Variants in AP1G1 observed in about 807,000 individuals in gnomAD.
AP1G1 encodes adaptor related protein complex 1 subunit gamma 1.
In AP1G1, 7 loss-of-function variants were observed where a neutral mutation model predicts 108.3. That is an observed-to-expected ratio of 0.06 (90% confidence interval 0.04 to 0.12). The LOEUF (loss-of-function observed/expected upper bound fraction) is 0.12. Ranked by LOEUF, AP1G1 falls within the 10% of genes least tolerant of loss-of-function variation. The pLI, the probability that AP1G1 is intolerant of heterozygous loss-of-function variation, is 1.00. For missense variants in AP1G1, 756 were observed against 1,010.7 expected (o/e 0.75, Z 3.42); for synonymous variants, 379 against 353.5 (o/e 1.07, Z -0.81).
At chr16:71,737,767 T>C (rs1215922603) in intron 21 of AP1G1, among the ~76,000 whole-genome samples, 2 of 152,292 alleles carry the variant, frequency 1.3e-5, no homozygotes, top group Non-Finnish European at 2.9e-5. Flanking sequence ...AAATGCCATA[T>C]TTCACATGCC....
intron 1 of AP1G1, among the ~76,000 whole-genome samples, chr16:71,794,911 T>C (rs1273756576): frequency 1.4e-5 from 2 of 141,816 alleles, no homozygotes; most frequent in Non-Finnish European, 3.0e-5. Flanking sequence ...TCCCTAAGGC[T>C]AGATCTTCAT....
intron 17 of AP1G1, among the ~76,000 whole-genome samples, 168 bp downstream of exon 17, chr16:71,746,420 A>G (rs1172666584): frequency 6.6e-6 from 1 of 152,274 alleles, no homozygotes; most frequent in Non-Finnish European, 1.5e-5. Flanking sequence ...TTTAGAGACT[A>G]GGCAGAATAG....
chr16:71,772,388 C>T (rs2031610344), intron 4 of AP1G1, among the ~76,000 whole-genome samples: 1 of 152,190 alleles, frequency 6.6e-6, no homozygotes, highest in African/African-American at 2.4e-5. Flanking sequence ...CTTGGCCTCC[C>T]AAAGTGCTGG....
At chr16:71,772,964 C>T (rs1240013910) in intron 4 of AP1G1, 2 of 539,100 alleles carry the variant, frequency 3.7e-6, no homozygotes, top group South Asian at 1.7e-5. Flanking sequence ...AATCACCTTG[C>T]TGTAATACTG....
chr16:71,770,875 T>C (rs1312598118), intron 5 of AP1G1, among the ~76,000 whole-genome samples: 1 of 152,356 alleles, frequency 6.6e-6, no homozygotes, highest in East Asian at 1.9e-4. Context: ...GGTAGGCTCA[T>C]TTGTATATTA....
At chr16:71,798,434 C>T (rs1197177754) in intron 1 of AP1G1, among the ~76,000 whole-genome samples, 1 of 151,948 alleles carries the variant, frequency 6.6e-6, no homozygotes, top group Non-Finnish European at 1.5e-5. Context: ...CTCCTGACCT[C>T]GTGATCCGCC....
At chr16:71,769,893 T>C (rs773175808) in intron 5 of AP1G1, among the ~76,000 whole-genome samples, 194 bp from the exon 6 acceptor site, 11 of 152,150 alleles carry the variant, frequency 7.2e-5, no homozygotes, top group Admixed American at 6.5e-5. Flanking sequence ...ACTGGCCAAG[T>C]TGGTAAAATC....
At chr16:71,742,838 G>A (rs2029933978) in intron 19 of AP1G1, 1 of 152,056 alleles carries the variant, frequency 6.6e-6, no homozygotes, top group South Asian at 2.1e-4. Flanking sequence ...TGGGCATGGT[G>A]GCACGTGCCT....
rs531764242 is a variant in AP1G1 at position 71,760,839 on chromosome 16, G to A, written c.974+673C>T. Among the ~76,000 whole-genome samples, 7 of 152,266 alleles carry A rather than the reference G, an allele frequency of 4.6e-5. No homozygotes were observed. The South Asian group carries it at 1.2e-3, about 27-fold the overall frequency. ...TGGCATTACAGGGGTGAACCACTAC[G>A]CCTAGCTTCCACATCTTTTCATGTT... On this transcript the variant is annotated intron_variant, in intron 10 of 22. Transcript: ENST00000299980.
At chr16:71,775,025 T>C (rs1208642754) in intron 2 of AP1G1, among the ~76,000 whole-genome samples, 1 of 142,220 alleles carries the variant, frequency 7.0e-6, no homozygotes, top group Non-Finnish European at 1.5e-5. Context: ...CTGGCTTTTT[T>C]TTTTTTTTTT....
At chr16:71,799,172 G>T in intron 1 of AP1G1, among the ~76,000 whole-genome samples, 1 of 152,070 alleles carries the variant, frequency 6.6e-6, no homozygotes, top group East Asian at 1.9e-4. Flanking sequence ...ATACCCAGTG[G>T]TTTCATGATA....
intron 15 of AP1G1, 76 bp from the exon 16 acceptor site, chr16:71,748,454 G>T: frequency 6.7e-7 from 1 of 1,497,176 alleles, no homozygotes; most frequent in Non-Finnish European, 9.0e-7. Context: ...TATCAAGTCA[G>T]GGGAAGCAGC....
In AP1G1 at chr16:71,789,467, T is replaced by C. The variant is rs776218451; in HGVS notation, c.13A>G (p.Ile5Val). Residue 5 changes from isoleucine to valine, a missense_variant, in exon 2 of 23, where the codon ATC becomes GTC. Around this residue, in one of 3 missense-constraint regions of AP1G1, gnomAD observed 304 missense variants for 483.6 expected, o/e 0.63. Coordinates refer to ENST00000299980, the MANE Select transcript of AP1G1 (RefSeq NM_001128.6). Reference sequence around the variant, plus strand: ...GTCCGGATCAGCTCCCGCAATCTGATGGGGGCTGGCATCCTCTGGATATGG... The same window carrying C: ...GTCCGGATCAGCTCCCGCAATCTGACGGGGGCTGGCATCCTCTGGATATGG... MPAP[I>V]RLRELIRTIR... 3.1e-6 allele frequency: 5 copies of C among 1,614,014 alleles called. No individual in the cohort carries two copies. The highest frequency in any genetic ancestry group is 1.7e-5 in the Admixed American group (1 of 59,984).
chr16:71,756,002 T>C lies in AP1G1; in HGVS notation c.1229+17A>G, dbSNP rs1249286093. 1.2e-6 allele frequency: 2 copies of C among 1,603,322 alleles called. No individual in the cohort carries two copies. Among genetic ancestry groups the C allele is most frequent in the African/African-American group, 1.3e-5 (1 of 74,304 alleles). ...TCCAAGCAGACTTTACCAATAAAGG[T>C]AAAAATTAAATCTTACTTTTCTGCA... On this transcript the variant is annotated intron_variant, in intron 12 of 22. Transcript: ENST00000299980.
At chr16:71,807,722 A>T in intron 1 of AP1G1, 1 of 944,600 alleles carries the variant, frequency 1.1e-6, no homozygotes, top group Non-Finnish European at 1.5e-6. Context: ...CTTCAAAGTT[A>T]AGGTCACTAA....
At chr16:71,737,908 T>A (rs2045569781) in intron 21 of AP1G1, among the ~76,000 whole-genome samples, 1 of 152,276 alleles carries the variant, frequency 6.6e-6, no homozygotes, top group Non-Finnish European at 1.5e-5. Flanking sequence ...TTCATTTACA[T>A]GTCATCTACA....
intron 10 of AP1G1, among the ~76,000 whole-genome samples, chr16:71,760,171 T>C (rs1015044610): frequency 6.6e-6 from 1 of 151,420 alleles, no homozygotes; most frequent in African/African-American, 2.4e-5. Flanking sequence ...CGCCCGGCAA[T>C]CCAAGTGTTC....
intron 18 of AP1G1, 66 bp from the exon 19 acceptor site, chr16:71,745,336 G>C: frequency 1.2e-6 from 2 of 1,601,754 alleles, no homozygotes; most frequent in Non-Finnish European, 1.7e-6. Flanking sequence ...CTAATGCAAA[G>C]CTCTTTCAAT....
chr16:71,763,687 T>C (rs1279939938), intron 9 of AP1G1, among the ~76,000 whole-genome samples: 1 of 152,194 alleles, frequency 6.6e-6, no homozygotes, highest in East Asian at 1.9e-4. Flanking sequence ...CTAAGTTACT[T>C]TGGTTATCTA....
Sources: gnomAD v4.1 joint callset for allele counts (sites outside exome capture counted in the v4.1 genomes callset) on GRCh38, gnomAD v4.1.1 for gene constraint, gnomAD v4.1.1 regional missense constraint, MANE v1.5 for transcripts, NCBI Gene and HGNC (gene_info 2026-07-23, HGNC 2026-07-21) for gene names.